Variants in SPRED1 observed in about 807,000 individuals in gnomAD.
SPRED1 encodes the protein sprouty-related, EVH1 domain-containing protein 1.
Under a neutral mutation model 52.3 loss-of-function variants are expected in SPRED1, and 18 were observed. That is an observed-to-expected ratio of 0.34 (90% CI 0.24 to 0.51). The LOEUF is 0.51. Ranked by LOEUF, SPRED1 falls within the 20% of genes least tolerant of loss-of-function variation. The pLI is 0.97. For missense variants in SPRED1, 485 were observed against 551.0 expected (o/e 0.88, Z 1.20); for synonymous variants, 155 against 179.7 (o/e 0.86, Z 1.10).
intron 1 of SPRED1, among the ~76,000 whole-genome samples, chr15:38,296,819 C>G (rs1200435067): frequency 1.3e-5 from 2 of 152,174 alleles, no homozygotes; most frequent in African/African-American, 4.8e-5. Flanking sequence ...GAAATTTAAA[C>G]TCCAGTGCAA....
At chr15:38,298,618 C>G in intron 1 of SPRED1, 2 of 247,490 alleles carry the variant, frequency 8.1e-6, no homozygotes, top group South Asian at 4.2e-5. Flanking sequence ...AGGCCCCAAA[C>G]AGGCAAAATC....
intron 1 of SPRED1, among the ~76,000 whole-genome samples, chr15:38,276,679 C>T (rs1453314877): frequency 1.3e-5 from 2 of 152,094 alleles, no homozygotes; most frequent in Non-Finnish European, 2.9e-5. Context: ...AATACTCTTC[C>T]TATTGTGGAT....
At chr15:38,290,822 G>T (rs973653817) in intron 1 of SPRED1, among the ~76,000 whole-genome samples, 1 of 152,088 alleles carries the variant, frequency 6.6e-6, no homozygotes, top group African/African-American at 2.4e-5. Flanking sequence ...CAACATGTGG[G>T]AATTCTGAGA....
chr15:38,266,387 C>A (rs955895389), intron 1 of SPRED1, among the ~76,000 whole-genome samples: 1 of 152,142 alleles, frequency 6.6e-6, no homozygotes, highest in African/African-American at 2.4e-5. Flanking sequence ...TGCCTGTAAT[C>A]CTAGCACTTT....
chr15:38,293,808 G>A (rs1262785814), intron 1 of SPRED1, among the ~76,000 whole-genome samples: 1 of 151,912 alleles, frequency 6.6e-6, no homozygotes, highest in Non-Finnish European at 1.5e-5. Flanking sequence ...ACTTCGTATT[G>A]GTTCTTAAAT....
chr15:38,276,167 TGTGA>T, intron 1 of SPRED1, among the ~76,000 whole-genome samples: 1 of 152,068 alleles, frequency 6.6e-6, no homozygotes, highest in East Asian at 1.9e-4. Context: ...ATTGCTGGTA[TGTGA>T]GTATTTGCAT....
At chr15:38,264,010 T>C (rs1370883381) in intron 1 of SPRED1, among the ~76,000 whole-genome samples, 1 of 152,138 alleles carries the variant, frequency 6.6e-6, no homozygotes, top group Non-Finnish European at 1.5e-5. Context: ...AGGGCGAAGT[T>C]AGTAGTTGAA....
chr15:38,269,403 C>T (rs928195058), intron 1 of SPRED1, among the ~76,000 whole-genome samples: 1 of 152,124 alleles, frequency 6.6e-6, no homozygotes, highest in African/African-American at 2.4e-5. Context: ...CCGCCATGCC[C>T]AGTAATTTTT....
intron 2 of SPRED1, among the ~76,000 whole-genome samples, chr15:38,304,320 C>A (rs1480834847): frequency 2.0e-5 from 3 of 152,180 alleles, no homozygotes; most frequent in Non-Finnish European, 4.4e-5. Flanking sequence ...TTCAGTCCTA[C>A]AGAAGTGGTC....
intron 2 of SPRED1, among the ~76,000 whole-genome samples, chr15:38,304,633 A>G (rs567994547): frequency 1.3e-5 from 2 of 152,278 alleles, no homozygotes; most frequent in African/African-American, 4.8e-5. Context: ...CAGATTTTCT[A>G]CATCTGAGCC....
intron 2 of SPRED1, among the ~76,000 whole-genome samples, chr15:38,299,806 A>G (rs1272350779): frequency 6.6e-6 from 1 of 152,072 alleles, no homozygotes; most frequent in Non-Finnish European, 1.5e-5. Context: ...CCCCCTAGTT[A>G]TTCAACCGGT....
At chr15:38,286,975 A>G (rs11637831) in intron 1 of SPRED1, among the ~76,000 whole-genome samples, 35,382 of 152,020 alleles carry the variant, frequency 0.23, 4,308 homozygotes, top group Middle Eastern at 0.33. Context: ...TATATCTACA[A>G]TCCTATTTAG....
intron 4 of SPRED1, among the ~76,000 whole-genome samples, chr15:38,327,652 A>C (rs993540098): frequency 4.6e-5 from 7 of 152,210 alleles, no homozygotes; most frequent in African/African-American, 1.7e-4. Flanking sequence ...CCTGAAAGCA[A>C]GTCCTCCAGC....
intron 1 of SPRED1, among the ~76,000 whole-genome samples, chr15:38,275,822 C>T (rs978561349): frequency 2.6e-5 from 4 of 152,180 alleles, no homozygotes; most frequent in Admixed American, 6.6e-5. Context: ...ACCCTCTTTA[C>T]AGTTGGAGAA....
intron 5 of SPRED1, among the ~76,000 whole-genome samples, chr15:38,348,436 G>C (rs1896187051): frequency 6.6e-6 from 1 of 151,672 alleles, no homozygotes; most frequent in African/African-American, 2.4e-5. Flanking sequence ...GTGTGTGTGT[G>C]TGTCTGTGTG....
intron 1 of SPRED1, among the ~76,000 whole-genome samples, chr15:38,279,181 G>C (rs1335082534): frequency 1.3e-5 from 2 of 152,078 alleles, no homozygotes; most frequent in South Asian, 4.1e-4. Context: ...TTGAATCTGT[G>C]GATGTGGTAC....
Position 38,253,178 on chromosome 15 carries a change from AG to A in SPRED1, c.-5del. The A allele has an allele frequency of 6.3e-7, 1 of 1,578,252 alleles. No individual in the cohort carries two copies. The highest frequency in any genetic ancestry group is 8.6e-7 in the Non-Finnish European group (1 of 1,161,104). On this transcript the variant is annotated 5_prime_UTR_variant, in exon 1 of 7. Coordinates refer to ENST00000299084, the MANE Select transcript of SPRED1 (RefSeq NM_152594.3). ...TCCATCTCCAGATCGGATCACGGTG[AG>A]GGAAAGATGAGCGAGGAGACGGCGA...
At chr15:38,280,938 A>G (rs1002603643) in intron 1 of SPRED1, among the ~76,000 whole-genome samples, 1 of 152,242 alleles carries the variant, frequency 6.6e-6, no homozygotes, top group East Asian at 1.9e-4. Flanking sequence ...TTTCCAGTAC[A>G]TATGTAACCA....
chr15:38,349,901 T>TC, intron 6 of SPRED1, among the ~76,000 whole-genome samples: 1 of 152,290 alleles, frequency 6.6e-6, no homozygotes, highest in East Asian at 1.9e-4. Flanking sequence ...AGTCACTGTG[T>TC]CCAGGGACTG....
Sources: gnomAD v4.1 joint callset for allele counts (sites outside exome capture counted in the v4.1 genomes callset) on GRCh38, gnomAD v4.1.1 for gene constraint, MANE v1.5 for transcripts, NCBI Gene and HGNC (gene_info 2026-07-23, HGNC 2026-07-21) for gene names.